RANBP3: variants seen among roughly 807,000 people sequenced by gnomAD.
RANBP3 encodes ran-binding protein 3.
Under a neutral mutation model 77.3 loss-of-function variants are expected in RANBP3, and 14 were observed. That is an observed-to-expected ratio of 0.18 (90% confidence interval 0.12 to 0.28). The LOEUF (loss-of-function observed/expected upper bound fraction) is 0.28, where lower values mean the gene tolerates loss of function less well. Ranked by LOEUF, RANBP3 falls within the 10% of genes least tolerant of loss-of-function variation. The pLI is 1.00. For synonymous variants in RANBP3, 315 were observed against 312.4 expected (o/e 1.01, Z -0.09); for missense variants, 586 against 752.3 (o/e 0.78, Z 2.59).
intron 10 of RANBP3, 136 bp downstream of exon 10, chr19:5,925,498 G>A (rs2057892966): frequency 1.4e-6 from 1 of 724,398 alleles, no homozygotes; most frequent in Non-Finnish European, 2.4e-6. Flanking sequence ...AGTGGGGAAT[G>A]AGAGAGAGGG....
chr19:5,937,607 T>A (rs2058083383), intron 5 of RANBP3, among the ~76,000 whole-genome samples: 1 of 152,214 alleles, frequency 6.6e-6, no homozygotes, highest in Non-Finnish European at 1.5e-5. Context: ...TCTGTAAGTG[T>A]TAAAGCTTTT....
At chr19:5,941,496 G>C in intron 5 of RANBP3, 125 bp downstream of exon 5, 1 of 834,002 alleles carries the variant, frequency 1.2e-6, no homozygotes, top group Non-Finnish European at 1.9e-6. Flanking sequence ...CAGAGCCCGA[G>C]CCTCAGATCG....
At position 5,933,381 on chromosome 19, in the gene RANBP3, C is replaced by T. The variant is rs2058021491; in HGVS notation, c.472+33G>A. The stretch of plus-strand genomic sequence containing the variant: ...CAGAGGTCTGAAAAACGTCAGAGAG[C>T]CACCCCCCGCCCCAGGGAGGTAGAC... On this transcript the variant is annotated intron_variant, in intron 6 of 16. Transcript: ENST00000340578. The T allele has an allele frequency of 3.2e-6, 5 of 1,571,074 alleles. No individual in the cohort carries two copies. The highest frequency in any genetic ancestry group is 4.3e-6 in the Non-Finnish European group (5 of 1,157,346).
At chr19:5,947,279 T>A (rs375928955) in intron 3 of RANBP3, among the ~76,000 whole-genome samples, 29 of 144,718 alleles carry the variant, frequency 2.0e-4, no homozygotes, top group African/African-American at 5.4e-4. Flanking sequence ...GCGCCACTGC[T>A]CTTCAGCCTG....
intron 1 of RANBP3, among the ~76,000 whole-genome samples, chr19:5,972,748 C>T (rs1473843155): frequency 6.6e-6 from 1 of 152,138 alleles, no homozygotes; most frequent in Non-Finnish European, 1.5e-5. Context: ...CAGAATTCAA[C>T]CCCCCTTCTC....
intron 7 of RANBP3, among the ~76,000 whole-genome samples, chr19:5,932,243 G>A (rs948883695): frequency 6.6e-6 from 1 of 152,240 alleles, no homozygotes; most frequent in Admixed American, 6.5e-5. Context: ...AAGCTGTGGA[G>A]CCGCCTCTCC....
At chr19:5,978,021 T>C (rs936686799) in intron 1 of RANBP3, 40 bp downstream of exon 1, 10 of 1,607,190 alleles carry the variant, frequency 6.2e-6, no homozygotes, top group Non-Finnish European at 8.5e-6. Context: ...CGCCGCCCGT[T>C]CCCCGGCCGC....
Position 5,963,311 on chromosome 19 carries a change from G to A in RANBP3, c.23-5338C>T, listed in dbSNP as rs529326085. On this transcript the variant is annotated intron_variant, in intron 1 of 16. Transcript: ENST00000340578. The stretch of plus-strand genomic sequence containing the variant: ...CTCATGTTTGTAATCCCAGCACTTG[G>A]GAGGGTGACGAGGGAGGATCACTTG... Among the ~76,000 whole-genome samples, 9 of 152,310 alleles carry A rather than the reference G, an allele frequency of 5.9e-5. No individual in the cohort carries two copies. In the East Asian group the frequency reaches 1.7e-3, roughly 29 times the overall value.
Position 5,921,050 on chromosome 19 carries a change from T to A in RANBP3, c.1330+151A>T. 1.0e-6 allele frequency: 1 copy of A among 958,614 alleles called. No homozygotes were observed. The highest frequency in any genetic ancestry group is 3.1e-5 in the East Asian group (1 of 32,726). 59.4% of individuals were successfully genotyped at this position (958,614 alleles called of 1,614,324 possible). On this transcript the variant is annotated intron_variant, in intron 14 of 16. Coordinates refer to ENST00000340578, the MANE Select transcript of RANBP3 (RefSeq NM_007322.3). This position sits in a 1 kb window ranked among gnomAD's most constrained non-coding sequence, Gnocchi z 5.3. ...GAGGGCTGGGTGCAGGGAGGGGGTTTGGGGGGCGGCTCTCATGGGAGACCG... is the reference window on the plus strand; with the variant it reads ...GAGGGCTGGGTGCAGGGAGGGGGTTAGGGGGGCGGCTCTCATGGGAGACCG...
chr19:5,936,951 G>C (rs2058072094), intron 5 of RANBP3, among the ~76,000 whole-genome samples: 1 of 149,050 alleles, frequency 6.7e-6, no homozygotes, highest in East Asian at 2.0e-4. Flanking sequence ...AGCTACTTGA[G>C]AGGCTGAGGC....
chr19:5,951,638 G>C, intron 2 of RANBP3, 42 bp from the exon 3 acceptor site: 1 of 1,562,566 alleles, frequency 6.4e-7, no homozygotes, highest in Non-Finnish European at 8.7e-7. Flanking sequence ...GTGAATAAAG[G>C]CTGCATCACA....
At chr19:5,974,312 A>T (rs10425737) in intron 1 of RANBP3, 15,691 of 152,188 alleles carry the variant, frequency 0.1, 1,027 homozygotes, top group African/African-American at 0.18. Flanking sequence ...AGGATCTAGA[A>T]TCCAAGATTC....
At chr19:5,963,364 C>G (rs1305216096) in intron 1 of RANBP3, among the ~76,000 whole-genome samples, 1 of 152,136 alleles carries the variant, frequency 6.6e-6, no homozygotes, top group Non-Finnish European at 1.5e-5. Context: ...CCTGTCTGGG[C>G]AACATAATGA....
chr19:5,923,142 C>A (rs1004904626), intron 13 of RANBP3, 52 bp downstream of exon 13: 21 of 1,476,828 alleles, frequency 1.4e-5, no homozygotes, highest in Non-Finnish European at 1.1e-5. Flanking sequence ...TGCGGTTGGA[C>A]CCCCAGGTGC....
At position 5,928,225 on chromosome 19, in the gene RANBP3, G is replaced by A. The variant is rs985790167; in HGVS notation, c.694-138C>T. 12 of 1,023,044 alleles carry A rather than the reference G, an allele frequency of 1.2e-5. No homozygotes were observed. The Admixed American group carries it at 1.6e-4, about 14-fold the overall frequency. The allele number at this position is 1,023,044 out of a possible 1,614,324, so 63.4% of individuals were successfully genotyped here. A position where few individuals can be genotyped will look rare whatever the true frequency, so the allele number is the denominator to read the frequency against. ...TGCCTGCACTCCCAGCTACTCAGAA[G>A]GCTGAGACAGGAGGACTGCTTGAGC... On this transcript the variant is annotated intron_variant, in intron 8 of 16. Transcript: ENST00000340578.
intron 8 of RANBP3, among the ~76,000 whole-genome samples, chr19:5,931,053 T>C (rs1254685511): frequency 6.6e-6 from 1 of 152,124 alleles, no homozygotes; most frequent in Non-Finnish European, 1.5e-5. Context: ...CAGAGTGCAG[T>C]GGTTCAGGTC....
chr19:5,971,103 C>A (rs920402402), intron 1 of RANBP3, among the ~76,000 whole-genome samples: 1 of 152,190 alleles, frequency 6.6e-6, no homozygotes, highest in African/African-American at 2.4e-5. Flanking sequence ...GACTGAACAT[C>A]CCCAAGAGCT....
chr19:5,930,319 T>C (rs546125003), intron 8 of RANBP3, among the ~76,000 whole-genome samples: 1 of 152,374 alleles, frequency 6.6e-6, no homozygotes, highest in African/African-American at 2.4e-5. Flanking sequence ...ATTTTCACCC[T>C]TTGAGCCAGA....
At chr19:5,970,809 C>T (rs1236949694) in intron 1 of RANBP3, among the ~76,000 whole-genome samples, 1 of 152,220 alleles carries the variant, frequency 6.6e-6, no homozygotes, top group Non-Finnish European at 1.5e-5. Flanking sequence ...AATCCTCAGA[C>T]TTGCGTATCA....
Sources: gnomAD v4.1 joint callset for allele counts (sites outside exome capture counted in the v4.1 genomes callset) on GRCh38, gnomAD v4.1.1 for gene constraint, Gnocchi (gnomAD v3.1) non-coding constraint, MANE v1.5 for transcripts, NCBI Gene and HGNC (gene_info 2026-07-23, HGNC 2026-07-21) for gene names.